The following LRP1B variants were observed in gnomAD, a reference collection of about 807,000 sequenced individuals.
LRP1B encodes the protein LDL receptor related protein 1B.
In LRP1B, 217 loss-of-function variants were observed where a neutral mutation model predicts 556.6. The ratio of observed to expected loss-of-function variants is 0.39; its 90% confidence interval spans 0.35 to 0.44. The LOEUF (loss-of-function observed/expected upper bound fraction) is 0.44. LRP1B is among the 20% of genes least tolerant of loss of function. The probability of loss-of-function intolerance (pLI) is 1.00; values close to 1 mark genes in which losing one functional copy is unlikely to be tolerated. For synonymous variants in LRP1B, 2,047 were observed against 1,865.8 expected (o/e 1.10, Z -2.50); for missense variants, 5,053 against 5,620.8 (o/e 0.90, Z 3.23).
chr2:140,323,855 TTACCAATA>T (rs766654276), intron 81 of LRP1B, 30 bp downstream of exon 81: 9 of 1,021,094 alleles, frequency 8.8e-6, no homozygotes, highest in Non-Finnish European at 1.3e-5. Context: ...AGAAAATAAT[TTACCAATA>T]TAGACAACTT....
intron 1 of LRP1B, among the ~76,000 whole-genome samples, chr2:141,894,661 AGATCTAGAT>A (rs1177188871): frequency 2.0e-4 from 29 of 147,710 alleles, no homozygotes; most frequent in African/African-American, 6.6e-4. Flanking sequence ...ATCTAGATCT[AGATCTAGAT>A]CTAGATCTAG....
intron 2 of LRP1B, among the ~76,000 whole-genome samples, chr2:141,563,399 C>T (rs1311223010): frequency 1.3e-5 from 2 of 151,572 alleles, no homozygotes; most frequent in Non-Finnish European, 2.9e-5. Flanking sequence ...CAGGCAGAAC[C>T]TCCAAGTACA....
At chr2:140,629,485 T>C (rs1683800773) in intron 41 of LRP1B, among the ~76,000 whole-genome samples, 1 of 149,638 alleles carries the variant, frequency 6.7e-6, no homozygotes, top group African/African-American at 2.5e-5. Flanking sequence ...AACAGGCTTA[T>C]GTATTCAAAT....
chr2:141,946,380 G>T (rs1164763427), intron 1 of LRP1B, among the ~76,000 whole-genome samples: 1 of 152,178 alleles, frequency 6.6e-6, no homozygotes, highest in African/African-American at 2.4e-5. Flanking sequence ...TGCCTCTGTT[G>T]TTGTCTGGAG....
intron 11 of LRP1B, among the ~76,000 whole-genome samples, chr2:141,033,540 C>A (rs1361261653): frequency 2.7e-5 from 4 of 149,040 alleles, no homozygotes; most frequent in African/African-American, 5.0e-5. Flanking sequence ...TCCTGTCCCT[C>A]AAAAAAAAAA....
chr2:140,395,935 T>C (rs1235644900), intron 66 of LRP1B, among the ~76,000 whole-genome samples: 4 of 151,786 alleles, frequency 2.6e-5, no homozygotes, highest in African/African-American at 7.3e-5. Context: ...ATGAAGTGAG[T>C]GGGGGGGAAG....
At chr2:141,970,843 G>A (rs1003255853) in intron 1 of LRP1B, among the ~76,000 whole-genome samples, 2 of 151,500 alleles carry the variant, frequency 1.3e-5, no homozygotes, top group African/African-American at 2.4e-5. Context: ...AGAGTGATCA[G>A]CCCCTTATGG....
At chr2:141,319,608 A>G (rs1687163751) in intron 3 of LRP1B, among the ~76,000 whole-genome samples, 1 of 152,076 alleles carries the variant, frequency 6.6e-6, no homozygotes, top group Non-Finnish European at 1.5e-5. Context: ...CTTGAATAAG[A>G]AAGCATATTT....
chr2:141,367,608 A>G (rs948386001), intron 3 of LRP1B, among the ~76,000 whole-genome samples: 1 of 147,720 alleles, frequency 6.8e-6, no homozygotes, highest in Non-Finnish European at 1.5e-5. Flanking sequence ...CCAGCCTCCC[A>G]AGTAGCTGGG....
chr2:140,280,186 T>G (rs549556578), intron 84 of LRP1B, among the ~76,000 whole-genome samples: 92 of 151,884 alleles, frequency 6.1e-4, no homozygotes, highest in African/African-American at 2.2e-3. Context: ...ACACAACCAC[T>G]CAACTCACAC....
chr2:141,817,208 T>C (rs1370332), intron 1 of LRP1B, among the ~76,000 whole-genome samples: 86,587 of 152,002 alleles, frequency 0.57, 25,013 homozygotes, highest in Non-Finnish European at 0.62. Context: ...TTTTAAATGT[T>C]TTCCTATTAT....
chr2:140,732,187 T>C (rs78407584), intron 35 of LRP1B, among the ~76,000 whole-genome samples: 4,547 of 152,216 alleles, frequency 0.03, 236 homozygotes, highest in East Asian at 0.23. Flanking sequence ...TACTTTTTTT[T>C]TTAATGTTTC....
chr2:141,573,613 T>A, intron 2 of LRP1B, among the ~76,000 whole-genome samples: 1 of 131,400 alleles, frequency 7.6e-6, no homozygotes, highest in Non-Finnish European at 1.6e-5. Flanking sequence ...AACTGAAGGA[T>A]ATAGATGCAC....
At chr2:140,827,828 C>G (rs1453662755) in intron 31 of LRP1B, among the ~76,000 whole-genome samples, 1 of 152,002 alleles carries the variant, frequency 6.6e-6, no homozygotes, top group Non-Finnish European at 1.5e-5. Flanking sequence ...TAATCAAGTT[C>G]TGAAAGGTTA....
At chr2:140,977,537 C>A (rs1696640624) in intron 18 of LRP1B, among the ~76,000 whole-genome samples, 1 of 152,108 alleles carries the variant, frequency 6.6e-6, no homozygotes, top group Non-Finnish European at 1.5e-5. Context: ...ATCAAATACA[C>A]ATGGTACAAG....
chr2:141,795,857 A>AAAAAATATAT (rs1491180183), intron 2 of LRP1B, among the ~76,000 whole-genome samples: 32 of 51,604 alleles, frequency 6.2e-4, no homozygotes, highest in African/African-American at 2.2e-3. Flanking sequence ...AACCAGGAGC[A>AAAAAATATAT]ATATATATAT....
intron 41 of LRP1B, among the ~76,000 whole-genome samples, chr2:140,610,402 T>C (rs1390939805): frequency 6.6e-6 from 1 of 152,200 alleles, no homozygotes; most frequent in Non-Finnish European, 1.5e-5. Context: ...CTGAATCCAC[T>C]GAATGCAGGG....
intron 1 of LRP1B, among the ~76,000 whole-genome samples, chr2:142,117,434 C>A (rs1259563359): frequency 2.0e-5 from 3 of 152,060 alleles, no homozygotes; most frequent in Non-Finnish European, 4.4e-5. Flanking sequence ...TCTCTAGGGC[C>A]ATCTTTTGCC....
chr2:140,530,900 C>T (rs994211504), intron 47 of LRP1B, among the ~76,000 whole-genome samples: 12 of 151,882 alleles, frequency 7.9e-5, no homozygotes, highest in Non-Finnish European at 1.0e-4. Context: ...TCAAGAGTTT[C>T]GACTAAAAAA....
Sources: allele counts gnomAD v4.1 joint callset (sites outside exome capture counted in the v4.1 genomes callset), GRCh38; gene constraint gnomAD v4.1.1; transcripts MANE v1.5; gene names NCBI Gene and HGNC (gene_info 2026-07-23, HGNC 2026-07-21).